DCHS2: variants seen among roughly 807,000 people sequenced by gnomAD.
DCHS2 encodes protocadherin-23.
DCHS2 carries 142 observed loss-of-function variants against 182.4 expected under a neutral mutation model. The observed-to-expected ratio is 0.78, with a 90% CI of 0.68 to 0.89. The LOEUF is 0.89. Among genes scored for constraint, DCHS2 ranks in the 40% least tolerant of loss-of-function variants. DCHS2 has a pLI of 0.00. For missense variants in DCHS2, 4,319 were observed against 4,198.6 expected, an observed-to-expected ratio of 1.03 and a Z score of -0.79; for synonymous variants, 1,740 against 1,663.3, an observed-to-expected ratio of 1.05 and a Z score of -1.12.
At chr4:154,441,128 C>T (rs536185945) in intron 1 of DCHS2, among the ~76,000 whole-genome samples, 1 of 152,260 alleles carries the variant, frequency 6.6e-6, no homozygotes, top group South Asian at 2.1e-4. Context: ...AGAAAGGATG[C>T]AAAGTCTTTG....
intron 12 of DCHS2, among the ~76,000 whole-genome samples, chr4:154,302,398 C>T (rs192634825): frequency 1.3e-4 from 20 of 152,328 alleles, no homozygotes; most frequent in African/African-American, 4.6e-4. Flanking sequence ...TGCCAGCATC[C>T]CCTTCCCCTT....
At chr4:154,423,035 C>T (rs969104236) in intron 1 of DCHS2, among the ~76,000 whole-genome samples, 1 of 152,164 alleles carries the variant, frequency 6.6e-6, no homozygotes, top group Non-Finnish European at 1.5e-5. Context: ...TGAAATATAA[C>T]TCACATACCA....
intron 13 of DCHS2, among the ~76,000 whole-genome samples, chr4:154,297,099 G>T (rs1003519083): frequency 2.6e-5 from 4 of 152,202 alleles, no homozygotes; most frequent in Admixed American, 6.5e-5. Context: ...GCATCAGCCA[G>T]CTTGAAATGT....
chr4:154,273,015 G>A (rs771564301), intron 13 of DCHS2, among the ~76,000 whole-genome samples: 3 of 151,944 alleles, frequency 2.0e-5, no homozygotes, highest in Non-Finnish European at 4.4e-5. Context: ...AAACTAGTAC[G>A]ACGACTATGG....
chr4:154,454,052 G>A (rs904004776), intron 1 of DCHS2, among the ~76,000 whole-genome samples: 1 of 151,878 alleles, frequency 6.6e-6, no homozygotes, highest in African/African-American at 2.4e-5. Context: ...ATATTAAATA[G>A]AAACTATAAC....
chr4:154,294,498 A>T (rs1196885106), intron 13 of DCHS2, among the ~76,000 whole-genome samples: 2 of 152,220 alleles, frequency 1.3e-5, no homozygotes, highest in Non-Finnish European at 2.9e-5. Context: ...TCAAAGGCAG[A>T]ATATCCTCTC....
Position 154,280,977 on chromosome 4 carries a change from G to A in DCHS2, c.6464-10964C>T, listed in dbSNP as rs140320053. 1.4e-3 allele frequency among the ~76,000 whole-genome samples: 212 copies of A among 152,088 alleles called. 1 individual carries two copies. The highest frequency in any genetic ancestry group is 4.5e-3 in the African/African-American group (186 of 41,508). On this transcript the variant is annotated intron_variant, in intron 13 of 19. Transcript: ENST00000357232. The stretch of plus-strand genomic sequence containing the variant: ...TGAGTAGTCGGGATTACAGGCATCC[G>A]CCATCATACCTGGCTAATTTTTGTA...
intron 7 of DCHS2, chr4:154,323,333 CCAA>C: frequency 1.3e-6 from 2 of 1,485,124 alleles, no homozygotes; most frequent in Admixed American, 4.8e-5. Flanking sequence ...GGTCTAGCTG[CCAA>C]AAAAAAAAAA....
chr4:154,295,219 G>A (rs10003606), intron 13 of DCHS2, among the ~76,000 whole-genome samples: 8,656 of 152,236 alleles, frequency 0.057, 811 homozygotes, highest in African/African-American at 0.19. Context: ...TGTGAAGTAC[G>A]TACCCTCTTC....
chr4:154,388,494 A>ATTTTT lies in DCHS2; in HGVS notation c.2053-11055_2053-11051dup, dbSNP rs35945131. Among the ~76,000 whole-genome samples the ATTTTT allele has an allele frequency of 3.0e-4, 39 of 130,674 alleles. 1 individual carries two copies. The highest frequency in any genetic ancestry group is 4.4e-4 in the Non-Finnish European group (28 of 63,168). The allele number at this position is 130,674 out of a possible 152,430, so 85.7% of individuals were successfully genotyped here. Reference sequence around the variant, plus strand: ...TCCCAAATTTTCAAAAATAGATGTAATTTTTTTTTTTTTTTTTTGAGATGG... The same window carrying ATTTTT: ...TCCCAAATTTTCAAAAATAGATGTAATTTTTTTTTTTTTTTTTTTTTTTGAGATGG... On this transcript the variant is annotated intron_variant, in intron 1 of 19. Coordinates refer to ENST00000357232, the MANE Select transcript of DCHS2 (RefSeq NM_001358235.2).
chr4:154,454,606 T>G (rs1453563773), intron 1 of DCHS2, among the ~76,000 whole-genome samples: 2 of 152,168 alleles, frequency 1.3e-5, no homozygotes, highest in African/African-American at 2.4e-5. Flanking sequence ...CAGGCAAAAC[T>G]GCAAAGCAAA....
In DCHS2 at chr4:154,236,720, T is replaced by G. The variant is rs759464008; in HGVS notation, c.7932A>C (p.Pro2644=). 6.2e-7 allele frequency: 1 copy of G among 1,613,770 alleles called. No homozygotes were observed. Among genetic ancestry groups the G allele is most frequent in the South Asian group, 1.1e-5 (1 of 91,086 alleles). The part of the protein sequence containing the change: ...VILASDSGCP[P]LSSTAVISIQ... ...TTGATATGACAGCTGTGGAACTCAA[T>G]GGAGGGCAGCCACTGTCAGATGCCA... The change falls in exon 20 of 20, where the codon CCA becomes CCC. Residue 2644 remains proline, a synonymous_variant. Transcript: ENST00000357232.
At chr4:154,254,705 C>T (rs1461239631) in intron 16 of DCHS2, among the ~76,000 whole-genome samples, 2 of 152,108 alleles carry the variant, frequency 1.3e-5, no homozygotes, top group African/African-American at 4.8e-5. Context: ...CGCATGGTGG[C>T]AGGTGGCTGT....
intron 1 of DCHS2, among the ~76,000 whole-genome samples, chr4:154,448,342 C>G (rs1027503035): frequency 1.3e-5 from 2 of 152,158 alleles, no homozygotes; most frequent in Non-Finnish European, 2.9e-5. Flanking sequence ...TCAGATGCCT[C>G]AAGTGTCCTC....
rs767434996 is a variant in DCHS2, at chr4:154,489,305, T to C, written c.2051A>G (p.Gln684Arg). Reference sequence around the variant, plus strand: ...GGCCCACAGGCCTGATGCACTCACCTGCAGAAAGCAGTGTCCAACCGGGGC... The same window carrying C: ...GGCCCACAGGCCTGATGCACTCACCCGCAGAAAGCAGTGTCCAACCGGGGC... ...EHAPVGHCFLQVTASDADSGL... is the reference protein window; with the variant it reads ...EHAPVGHCFLRVTASDADSGL... The change falls in exon 1 of 20, where the codon CAG becomes CGG. Residue 684 changes from glutamine to arginine, a missense_variant and splice_region_variant. By Grantham distance (43) the Gln-to-Arg change is conservative. Transcript: ENST00000357232. 4.0e-6 allele frequency: 6 copies of C among 1,511,808 alleles called. No homozygotes were observed. In the Admixed American group the frequency reaches 1.0e-4, roughly 26 times the overall value. 93.6% of individuals were successfully genotyped at this position (1,511,808 alleles called of 1,614,324 possible).
intron 14 of DCHS2, among the ~76,000 whole-genome samples, chr4:154,265,168 A>G (rs1387767964): frequency 2.6e-5 from 4 of 152,218 alleles, no homozygotes; most frequent in Admixed American, 2.6e-4. Flanking sequence ...AAAAATCAAA[A>G]GACAAAAATC....
intron 16 of DCHS2, among the ~76,000 whole-genome samples, chr4:154,255,277 C>G (rs940661532): frequency 6.6e-5 from 10 of 152,128 alleles, no homozygotes; most frequent in Admixed American, 5.2e-4. Flanking sequence ...TTCATAAAAT[C>G]TTAGAACTAG....
chr4:154,441,334 T>C (rs1734003422), intron 1 of DCHS2, among the ~76,000 whole-genome samples: 1 of 152,180 alleles, frequency 6.6e-6, no homozygotes, highest in African/African-American at 2.4e-5. Context: ...TGAATCAGCA[T>C]TTTGGGAAGC....
chr4:154,354,569 T>C (rs906585099), intron 3 of DCHS2, among the ~76,000 whole-genome samples: 7 of 152,250 alleles, frequency 4.6e-5, no homozygotes, highest in Admixed American at 2.6e-4. Flanking sequence ...TGGATTTTTA[T>C]AACTAGTTTT....
Sources: gnomAD v4.1 joint callset for allele counts (sites outside exome capture counted in the v4.1 genomes callset) on GRCh38, gnomAD v4.1.1 for gene constraint, MANE v1.5 for transcripts, NCBI Gene and HGNC (gene_info 2026-07-23, HGNC 2026-07-21) for gene names.